RANBP6: variants seen among roughly 807,000 people sequenced by gnomAD.
RANBP6 encodes ran-binding protein 6.
RANBP6 carries 10 observed loss-of-function variants against 35.3 expected under a neutral mutation model. The ratio of observed to expected loss-of-function variants is 0.28; its 90% CI spans 0.17 to 0.48. The LOEUF is 0.48. Ranked by LOEUF, RANBP6 falls within the 20% of genes least tolerant of loss-of-function variation. The pLI, the probability that RANBP6 is intolerant of heterozygous loss-of-function variation, is 0.99. For missense variants in RANBP6, 1,392 were observed against 1,307.7 expected (o/e 1.06, Z -0.99); for synonymous variants, 514 against 464.2 (o/e 1.11, Z -1.38).
At position 6,012,357 on chromosome 9, in the gene RANBP6, A is replaced by C; in HGVS notation, c.3251T>G (p.Leu1084Trp). Reference sequence around the variant, plus strand: ...ATCATCAAGTTGTGATACACATTCCAACCATAAATCTTCAGAAGTCTGTAC... The same window carrying C: ...ATCATCAAGTTGTGATACACATTCCCACCATAAATCTTCAGAAGTCTGTAC... ...RQVQTSEDLW[L>W]ECVSQLDDEQ... The change falls in exon 1 of 1, where the codon TTG becomes TGG. Residue 1084 changes from leucine (L) to tryptophan (W), a missense_variant. By Grantham distance (61) the Leu-to-Trp change is moderately conservative. Transcript: ENST00000259569. The C allele has an allele frequency of 1.2e-6, 2 of 1,610,138 alleles. No homozygotes were observed. Among genetic ancestry groups the C allele is most frequent in the Non-Finnish European group, 1.7e-6 (2 of 1,178,966 alleles).
rs756906507 is a variant in RANBP6 at position 6,014,613 on chromosome 9, G to C, written c.995C>G (p.Ala332Gly). 4 of 1,614,014 alleles carry C rather than the reference G, an allele frequency of 2.5e-6. No individual in the cohort carries two copies. Among genetic ancestry groups the C allele is most frequent in the African/African-American group, 2.7e-5 (2 of 74,940 alleles). ...AAAATCATCTTCTTCCATTTCATCA[G>C]CATTTACCCAGTCCTCATCATCTTG... ...DLQDDEDWVNADEMEEDDFDS... is the reference protein window; with the variant it reads ...DLQDDEDWVNGDEMEEDDFDS... The change falls in exon 1 of 1, where the codon GCT becomes GGT. Residue 332 changes from alanine to glycine, a missense_variant. By Grantham distance (60) the Ala-to-Gly change is moderately conservative. Transcript: ENST00000259569.
rs1455412593 is a variant in RANBP6 at position 6,014,376 on chromosome 9, G to C, written c.1232C>G (p.Ser411Cys). ...AGGATCCTGAAGAAAAAGCAAAACGGAGTTAACTGTTTCATCTAGAATTGA... is the reference window on the plus strand; with the variant it reads ...AGGATCCTGAAGAAAAAGCAAAACGCAGTTAACTGTTTCATCTAGAATTGA... ...MESILDETVNSVLLFLQDPHP... is the reference protein window; with the variant it reads ...MESILDETVNCVLLFLQDPHP... The change falls in exon 1 of 1, where the codon TCC becomes TGC. Residue 411 changes from serine to cysteine, a missense_variant. Transcript: ENST00000259569. The C allele has an allele frequency of 6.2e-7, 1 of 1,613,864 alleles. No individual in the cohort carries two copies. Among genetic ancestry groups the C allele is most frequent in the Non-Finnish European group, 8.5e-7 (1 of 1,179,754 alleles).
At position 6,013,227 on chromosome 9, in the gene RANBP6, T is replaced by C; in HGVS notation, c.2381A>G (p.Asn794Ser). Residue 794 changes from asparagine to serine, a missense_variant, in exon 1 of 1, where the codon AAT (asparagine) becomes AGT (serine). By Grantham distance (46) the Asn-to-Ser change is conservative (BLOSUM62 1). Transcript: ENST00000259569. ...TCCCAGTTCTTCCAAGTGTTCATCATTAAGGCAACCATCTCCCATAACTTC... is the reference window on the plus strand; with the variant it reads ...TCCCAGTTCTTCCAAGTGTTCATCACTAAGGCAACCATCTCCCATAACTTC... ...SIEVMGDGCL[N>S]DEHLEELGGI... The C allele has an allele frequency of 6.2e-7, 1 of 1,614,134 alleles. No individual in the cohort carries two copies. The highest frequency in any genetic ancestry group is 1.7e-5 in the Admixed American group (1 of 60,024).
chr9:6,015,192 T>A lies in RANBP6; in HGVS notation c.416A>T (p.Glu139Val). The A allele has an allele frequency of 6.2e-7, 1 of 1,614,158 alleles. No individual in the cohort carries two copies. The highest frequency in any genetic ancestry group is 1.1e-5 in the South Asian group (1 of 91,080). Residue 139 changes from glutamate (E) to valine (V), a missense_variant, in exon 1 of 1, where the codon GAA (glutamate) becomes GTA (valine). Physicochemically the swap from Glu to Val is moderately radical, Grantham distance 121. Transcript: ENST00000259569. The part of the protein sequence containing the change: ...IDEDGTNHWP[E>V]GLKFLIDSIY... ...TGAATCAATAAGAAACTTCAGACCT[T>A]CCGGCCAGTGGTTAGTGCCATCCTC... is the stretch of plus-strand genomic sequence containing the variant.
Position 6,011,946 on chromosome 9 carries a change from G to T in RANBP6, c.*344C>A, listed in dbSNP as rs538051521. ...TATTTTTGTGAGCTCTTAGCATATT[G>T]TGATAGCATGACATCTTCACATCAA... On this transcript the variant is annotated 3_prime_UTR_variant, in exon 1 of 1. Coordinates refer to ENST00000259569, the MANE Select transcript of RANBP6 (RefSeq NM_012416.4). 1 of 167,314 alleles carries T rather than the reference G, an allele frequency of 6.0e-6. No individual in the cohort carries two copies. The highest frequency in any genetic ancestry group is 2.4e-5 in the African/African-American group (1 of 42,056). 10.4% of individuals were successfully genotyped at this position (167,314 alleles called of 1,614,324 possible). A position where few individuals can be genotyped will look rare whatever the true frequency, so the allele number is the denominator to read the frequency against.
rs1842513662 is a variant in RANBP6 at position 6,013,486 on chromosome 9, T to C, written c.2122A>G (p.Thr708Ala). 3 of 1,614,246 alleles carry C rather than the reference T, an allele frequency of 1.9e-6. No homozygotes were observed. The highest frequency in any genetic ancestry group is 4.5e-5 in the East Asian group (2 of 44,882). ...KELREGFVEY[T>A]EQVVKLMVPL... is the part of the protein sequence containing the mutation. The stretch of plus-strand genomic sequence containing the variant: ...ACCATCAGCTTCACAACTTGTTCTG[T>C]ATATTCCACAAACCCTTCCCTTAAC... The change falls in exon 1 of 1, where the codon ACA becomes GCA. Residue 708 changes from threonine to alanine, a missense_variant. Transcript: ENST00000259569.
chr9:6,015,616 G>C lies in RANBP6; in HGVS notation c.-9C>G, dbSNP rs938201278. The C allele has an allele frequency of 1.3e-6, 2 of 1,577,264 alleles. No individual in the cohort carries two copies. Among genetic ancestry groups the C allele is most frequent in the African/African-American group, 1.3e-5 (1 of 74,112 alleles). On this transcript the variant is annotated 5_prime_UTR_variant, in exon 1 of 1. Coordinates refer to ENST00000259569, the MANE Select transcript of RANBP6 (RefSeq NM_012416.4). ...GACGCGGTTGCCGCCATTGCGCTCT[G>C]TCAAAGCTACCGCGACCGGGAAGGA...
At position 6,013,143 on chromosome 9, in the gene RANBP6, T is replaced by C. The variant is rs1842505879; in HGVS notation, c.2465A>G (p.Lys822Arg). The change falls in exon 1 of 1, where the codon AAA (lysine) becomes AGA (arginine). Residue 822 changes from lysine (K) to arginine (R), a missense_variant. Transcript: ENST00000259569. ...TTGATCATAGTTTTCTTCCTGTCTT[T>C]TCACCTGTCTCAATTCTTGGTTTTT... ...HFKNQELRQV[K>R]RQEENYDQQV... is the part of the protein sequence containing the mutation. The C allele has an allele frequency of 1.9e-6, 3 of 1,614,104 alleles. No individual in the cohort carries two copies. The highest frequency in any genetic ancestry group is 2.5e-6 in the Non-Finnish European group (3 of 1,180,034).
Position 6,013,233 on chromosome 9 carries a change from C to A in RANBP6, c.2375G>T (p.Cys792Phe), listed in dbSNP as rs1397456969. The change falls in exon 1 of 1, where the codon TGC becomes TTC. Residue 792 changes from cysteine to phenylalanine, a missense_variant. Cys to Phe is a radical substitution (Grantham distance 205, BLOSUM62 -2). Coordinates refer to ENST00000259569, the MANE Select transcript of RANBP6 (RefSeq NM_012416.4). Reference protein sequence around the residue: ...AKSIEVMGDGCLNDEHLEELG... With the variant: ...AKSIEVMGDGFLNDEHLEELG... ...TTCTTCCAAGTGTTCATCATTAAGG[C>A]AACCATCTCCCATAACTTCAATGGA... is the stretch of plus-strand genomic sequence containing the variant. The A allele has an allele frequency of 1.2e-6, 2 of 1,614,064 alleles. No individual in the cohort carries two copies. Among genetic ancestry groups the A allele is most frequent in the South Asian group, 1.1e-5 (1 of 91,058 alleles).
chr9:6,014,683 T>C lies in RANBP6; in HGVS notation c.925A>G (p.Ile309Val). ...TPMLKKHTNI[I>V]AQAVPHILAM... is the part of the protein sequence containing the mutation. ...AATATATGAGGAACTGCCTGTGCAATAATATTTGTATGTTTTTTCAACATC... is the reference window on the plus strand; with the variant it reads ...AATATATGAGGAACTGCCTGTGCAACAATATTTGTATGTTTTTTCAACATC... Residue 309 changes from isoleucine to valine, a missense_variant, in exon 1 of 1, where the codon ATT becomes GTT. Coordinates refer to ENST00000259569, the MANE Select transcript of RANBP6 (RefSeq NM_012416.4). 6.2e-7 allele frequency: 1 copy of C among 1,614,170 alleles called. No homozygotes were observed. The highest frequency in any genetic ancestry group is 1.6e-4 in the Middle Eastern group (1 of 6,062).
chr9:6,014,236 T>C lies in RANBP6; in HGVS notation c.1372A>G (p.Met458Val), dbSNP rs142383538. The stretch of plus-strand genomic sequence containing the variant: ...ACACGCTGATTACCTTGATTTTCCA[T>C]GGTACGTAACAGAGCTGCAATCACT... ...ETVIAALLRTMENQGNQRVQS... is the reference protein window; with the variant it reads ...ETVIAALLRTVENQGNQRVQS... The change falls in exon 1 of 1, where the codon ATG becomes GTG. Residue 458 changes from methionine to valine, a missense_variant. Transcript: ENST00000259569. 3.7e-6 allele frequency: 6 copies of C among 1,613,720 alleles called. No homozygotes were observed. The highest frequency in any genetic ancestry group is 2.2e-5 in the East Asian group (1 of 44,888).
chr9:6,013,521 T>C lies in RANBP6; in HGVS notation c.2087A>G (p.Tyr696Cys). The C allele has an allele frequency of 1.2e-6, 2 of 1,614,246 alleles. No homozygotes were observed. The highest frequency in any genetic ancestry group is 8.5e-7 in the Non-Finnish European group (1 of 1,180,040). ...AAACCCTTCCCTTAACTCCTTAGCA[T>C]AGTAAACCAACATTTGGCAAGCAGT... ...KATACQMLVYYAKELREGFVE... is the reference protein window; with the variant it reads ...KATACQMLVYCAKELREGFVE... Residue 696 changes from tyrosine to cysteine, a missense_variant, in exon 1 of 1, where the codon TAT becomes TGT. Transcript: ENST00000259569.
Position 6,012,169 on chromosome 9 carries a change from G to T in RANBP6, c.*121C>A. On this transcript the variant is annotated 3_prime_UTR_variant, in exon 1 of 1. Transcript: ENST00000259569. Reference sequence around the variant, plus strand: ...CTGATTAATTCTGGAGAAACATGGAGAAGAACTATAAACTGCTTAGCAGGG... The same window carrying T: ...CTGATTAATTCTGGAGAAACATGGATAAGAACTATAAACTGCTTAGCAGGG... 1.4e-6 allele frequency: 1 copy of T among 719,536 alleles called. No individual in the cohort carries two copies. The highest frequency in any genetic ancestry group is 2.1e-6 in the Non-Finnish European group (1 of 466,994). The allele number at this position is 719,536 out of a possible 1,614,324, so 44.6% of individuals were successfully genotyped here.
Position 6,013,016 on chromosome 9 carries a change from C to A in RANBP6, c.2592G>T (p.Lys864Asn). The A allele has an allele frequency of 1.2e-6, 2 of 1,613,642 alleles. No individual in the cohort carries two copies. Among genetic ancestry groups the A allele is most frequent in the Non-Finnish European group, 1.7e-6 (2 of 1,179,852 alleles). Residue 864 changes from lysine to asparagine, a missense_variant, in exon 1 of 1, where the codon AAG becomes AAT. Transcript: ENST00000259569. The part of the protein sequence containing the change: ...LHSLFSTYKE[K>N]ILPWFEQLLP... The stretch of plus-strand genomic sequence containing the variant: ...GTAGTTGTTCAAACCATGGTAAAAT[C>A]TTTTCCTTATAAGTACTAAATAATG...
rs771981526 is a variant in RANBP6, at chr9:6,012,418, G to A, written c.3190C>T (p.Pro1064Ser). The change falls in exon 1 of 1, where the codon CCT becomes TCT. Residue 1064 changes from proline (P) to serine (S), a missense_variant. By Grantham distance (74) the Pro-to-Ser change is moderately conservative. Coordinates refer to ENST00000259569, the MANE Select transcript of RANBP6 (RefSeq NM_012416.4). ...KINETINYEDPCAKRLANVVR... is the reference protein window; with the variant it reads ...KINETINYEDSCAKRLANVVR... ...ACATTAGCTAGGCGTTTGGCACAAG[G>A]ATCCTCATAGTTAATAGTCTCATTA... 6.2e-7 allele frequency: 1 copy of A among 1,613,928 alleles called. No individual in the cohort carries two copies. The highest frequency in any genetic ancestry group is 1.1e-5 in the South Asian group (1 of 91,036).
Position 6,013,110 on chromosome 9 carries a change from T to C in RANBP6, c.2498A>G (p.Glu833Gly). ...TTCATCCTCATCTTGCAGAGACATCTCAACCTGTTGATCATAGTTTTCTTC... is the reference window on the plus strand; with the variant it reads ...TTCATCCTCATCTTGCAGAGACATCCCAACCTGTTGATCATAGTTTTCTTC... ...RQEENYDQQVEMSLQDEDECD... is the reference protein window; with the variant it reads ...RQEENYDQQVGMSLQDEDECD... Residue 833 changes from glutamate to glycine, a missense_variant, in exon 1 of 1, where the codon GAG (glutamate) becomes GGG (glycine). Coordinates refer to ENST00000259569, the MANE Select transcript of RANBP6 (RefSeq NM_012416.4). 1 of 1,614,068 alleles carries C rather than the reference T, an allele frequency of 6.2e-7. No homozygotes were observed. Among genetic ancestry groups the C allele is most frequent in the Non-Finnish European group, 8.5e-7 (1 of 1,179,994 alleles).
chr9:6,012,328 G>C lies in RANBP6; in HGVS notation c.3280C>G (p.Gln1094Glu). The C allele has an allele frequency of 6.3e-7, 1 of 1,591,824 alleles. No individual in the cohort carries two copies. ...AGCAACTCCTGTAAGGCTTCCTGCT[G>C]TTCATCATCAAGTTGTGATACACAT... ...LECVSQLDDEQQEALQELLNF... is the reference protein window; with the variant it reads ...LECVSQLDDEEQEALQELLNF... Residue 1094 changes from glutamine (Q) to glutamate (E), a missense_variant, in exon 1 of 1, where the codon CAG becomes GAG. Gln to Glu is a conservative substitution (Grantham distance 29). Transcript: ENST00000259569.
rs1402013034 is a variant in RANBP6 at position 6,014,117 on chromosome 9, T to G, written c.1491A>C (p.Leu497=). Residue 497 remains leucine, a synonymous_variant, in exon 1 of 1, where the codon CTA becomes CTC. Coordinates refer to ENST00000259569, the MANE Select transcript of RANBP6 (RefSeq NM_012416.4). ...VLYVDSMVKN[L]HSVLVIKLQE... Reference sequence around the variant, plus strand: ...GAAGTTTAATCACCAAGACGGAATGTAGATTTTTCACCATACTATCCACAT... The same window carrying G: ...GAAGTTTAATCACCAAGACGGAATGGAGATTTTTCACCATACTATCCACAT... 3 of 1,614,088 alleles carry G rather than the reference T, an allele frequency of 1.9e-6. No homozygotes were observed. Among genetic ancestry groups the G allele is most frequent in the Non-Finnish European group, 2.5e-6 (3 of 1,180,030 alleles).
chr9:6,014,133 C>G lies in RANBP6; in HGVS notation c.1475G>C (p.Ser492Thr). 1 of 1,614,020 alleles carries G rather than the reference C, an allele frequency of 6.2e-7. No homozygotes were observed. Among genetic ancestry groups the G allele is most frequent in the Non-Finnish European group, 8.5e-7 (1 of 1,180,018 alleles). The change falls in exon 1 of 1, where the codon AGT becomes ACT. Residue 492 changes from serine to threonine, a missense_variant. By Grantham distance (58) the Ser-to-Thr change is moderately conservative. Transcript: ENST00000259569. ...GACGGAATGTAGATTTTTCACCATA[C>G]TATCCACATATAGAACTAGCAATGA... ...PKSLLVLYVD[S>T]MVKNLHSVLV...
Sources: gnomAD v4.1 joint callset for allele counts on GRCh38, gnomAD v4.1.1 for gene constraint, MANE v1.5 for transcripts, NCBI Gene and HGNC (gene_info 2026-07-23, HGNC 2026-07-21) for gene names.